The following EXOC6B variants were observed in gnomAD, a reference collection of about 807,000 sequenced individuals.
The protein encoded by EXOC6B is SEC15 homolog B.
In EXOC6B, 54 loss-of-function variants were observed where a neutral mutation model predicts 113.5. The observed-to-expected ratio is 0.48, with a 90% CI of 0.38 to 0.60. The LOEUF is 0.60. EXOC6B is among the 20% of genes least tolerant of loss of function. EXOC6B has a pLI of 0.00. For missense variants in EXOC6B, 797 were observed against 977.5 expected (o/e 0.82, Z 2.46); for synonymous variants, 357 against 339.0 (o/e 1.05, Z -0.58).
chr2:72,497,633 T>C (rs1434026894), intron 13 of EXOC6B, among the ~76,000 whole-genome samples: 1 of 152,124 alleles, frequency 6.6e-6, no homozygotes, highest in Non-Finnish European at 1.5e-5. Context: ...TATATTAATA[T>C]ACAGATAAAT....
At chr2:72,657,805 A>T (rs1016706644) in intron 6 of EXOC6B, among the ~76,000 whole-genome samples, 4 of 151,134 alleles carry the variant, frequency 2.6e-5, no homozygotes, top group Non-Finnish European at 5.9e-5. Flanking sequence ...ATTAGCTATT[A>T]TTATGTCTGA....
At chr2:72,651,137 G>T (rs999309648) in intron 6 of EXOC6B, among the ~76,000 whole-genome samples, 1 of 152,196 alleles carries the variant, frequency 6.6e-6, no homozygotes, top group African/African-American at 2.4e-5. Flanking sequence ...AGTAATATCT[G>T]TGCTTTATCT....
chr2:72,213,917 C>T (rs1680344592), intron 20 of EXOC6B, among the ~76,000 whole-genome samples: 1 of 152,034 alleles, frequency 6.6e-6, no homozygotes, highest in South Asian at 2.1e-4. Context: ...TTCTAGGCTA[C>T]CCAGTTTATG....
chr2:72,180,038 C>T (rs997641833), intron 21 of EXOC6B, among the ~76,000 whole-genome samples: 11 of 152,184 alleles, frequency 7.2e-5, no homozygotes, highest in African/African-American at 2.4e-4. Context: ...TTTTTCCTTT[C>T]GTCTCAGGGT....
At chr2:72,635,380 T>C (rs1239281700) in intron 6 of EXOC6B, among the ~76,000 whole-genome samples, 5 of 152,244 alleles carry the variant, frequency 3.3e-5, no homozygotes, top group Admixed American at 2.6e-4. Context: ...GCTATCACCA[T>C]GGGCTGTGCA....
chr2:72,359,899 G>GT (rs1402146714), intron 19 of EXOC6B, among the ~76,000 whole-genome samples: 1 of 151,976 alleles, frequency 6.6e-6, no homozygotes, highest in Non-Finnish European at 1.5e-5. Flanking sequence ...TTAAAAGACT[G>GT]TGGCTCCTCC....
chr2:72,812,942 T>C (rs1205437909), intron 1 of EXOC6B, among the ~76,000 whole-genome samples: 2 of 152,050 alleles, frequency 1.3e-5, no homozygotes, highest in Non-Finnish European at 2.9e-5. Flanking sequence ...AAGACCCTTT[T>C]AAGAGGGTAA....
chr2:72,292,301 C>A (rs1172220504), intron 20 of EXOC6B, among the ~76,000 whole-genome samples: 3 of 149,970 alleles, frequency 2.0e-5, no homozygotes, highest in Non-Finnish European at 4.4e-5. Flanking sequence ...AGTAGCTGTC[C>A]CTCTGTTGCA....
At chr2:72,254,286 T>G (rs1186044504) in intron 20 of EXOC6B, among the ~76,000 whole-genome samples, 2 of 152,178 alleles carry the variant, frequency 1.3e-5, no homozygotes, top group Non-Finnish European at 1.5e-5. Context: ...ATGGGTATCC[T>G]TAAAAGCAGC....
At position 72,316,551 on chromosome 2, in the gene EXOC6B, G is replaced by T. The variant is rs185852622; in HGVS notation, c.2196+18396C>A. On this transcript the variant is annotated intron_variant, in intron 20 of 21. Coordinates refer to ENST00000272427, the MANE Select transcript of EXOC6B (RefSeq NM_015189.3). Reference sequence around the variant, plus strand: ...TAGGAGGAAAATGATGAATCTATTTGTGGGAGTTTGAGTACAAATATTATT... The same window carrying T: ...TAGGAGGAAAATGATGAATCTATTTTTGGGAGTTTGAGTACAAATATTATT... Among the ~76,000 whole-genome samples, 31 of 152,314 alleles carry T rather than the reference G, an allele frequency of 2.0e-4. 1 individual carries two copies. Among genetic ancestry groups the T allele is most frequent in the Middle Eastern group, 3.4e-3 (1 of 294 alleles).
intron 20 of EXOC6B, among the ~76,000 whole-genome samples, chr2:72,196,694 T>TAAAC: frequency 6.6e-6 from 1 of 152,342 alleles, no homozygotes; most frequent in African/African-American, 2.4e-5. Flanking sequence ...TTTTGTTAAG[T>TAAAC]AAACACTAGT....
rs144840646 is a variant in EXOC6B, at chr2:72,643,881, C to T, written c.670-68213G>A. Among the ~76,000 whole-genome samples, 940 of 151,078 alleles carry T rather than the reference C, an allele frequency of 6.2e-3. 7 individuals carry two copies. The highest frequency in any genetic ancestry group is 0.021 in the African/African-American group (859 of 41,208). On this transcript the variant is annotated intron_variant, in intron 6 of 21. Transcript: ENST00000272427. ...AAGCTGAAAATTCAAAAAAACAGAG[C>T]GCCTCTTCTCCTCCAAAGGATCACA... is the stretch of plus-strand genomic sequence containing the variant.
At chr2:72,382,419 G>A (rs1691739572) in intron 18 of EXOC6B, among the ~76,000 whole-genome samples, 1 of 152,160 alleles carries the variant, frequency 6.6e-6, no homozygotes, top group Non-Finnish European at 1.5e-5. Context: ...GTACCATGCT[G>A]TTTTGGCTAC....
intron 11 of EXOC6B, among the ~76,000 whole-genome samples, chr2:72,507,254 G>T (rs1039253370): frequency 1.3e-5 from 2 of 151,980 alleles, no homozygotes; most frequent in Admixed American, 6.6e-5. Context: ...TGTTTGCTGG[G>T]TACTACTAAT....
At chr2:72,391,980 A>G (rs1472793896) in intron 18 of EXOC6B, among the ~76,000 whole-genome samples, 1 of 152,158 alleles carries the variant, frequency 6.6e-6, no homozygotes, top group African/African-American at 2.4e-5. Context: ...AACCCACTCA[A>G]TACATTTTTA....
intron 19 of EXOC6B, among the ~76,000 whole-genome samples, chr2:72,377,351 G>A (rs555342695): frequency 6.6e-6 from 1 of 152,222 alleles, no homozygotes; most frequent in South Asian, 2.1e-4. Flanking sequence ...TCCCACTACT[G>A]AGTATATATC....
At chr2:72,637,127 G>A (rs556399196) in intron 6 of EXOC6B, among the ~76,000 whole-genome samples, 1 of 152,052 alleles carries the variant, frequency 6.6e-6, no homozygotes, top group Non-Finnish European at 1.5e-5. Flanking sequence ...TGTACAGAAT[G>A]GACATGCTAA....
intron 6 of EXOC6B, among the ~76,000 whole-genome samples, chr2:72,684,476 A>C (rs1558916037): frequency 6.6e-6 from 1 of 152,208 alleles, no homozygotes; most frequent in Non-Finnish European, 1.5e-5. Flanking sequence ...AGGTATATTT[A>C]CCCAAGAGAA....
At chr2:72,319,674 C>A (rs1049164035) in intron 20 of EXOC6B, among the ~76,000 whole-genome samples, 9 of 152,156 alleles carry the variant, frequency 5.9e-5, no homozygotes, top group Admixed American at 2.0e-4. Context: ...ATAAATCTCA[C>A]AAAATATGCA....
Sources: allele counts gnomAD v4.1 joint callset (sites outside exome capture counted in the v4.1 genomes callset), GRCh38; gene constraint gnomAD v4.1.1; transcripts MANE v1.5; gene names NCBI Gene and HGNC (gene_info 2026-07-23, HGNC 2026-07-21).